The following SYNPR variants were observed in gnomAD, a reference collection of about 807,000 sequenced individuals.
SYNPR encodes the protein synaptoporin.
In SYNPR, 23 loss-of-function variants were observed where a neutral mutation model predicts 32.9. That is an observed-to-expected ratio of 0.70 (90% CI 0.50 to 0.99). The LOEUF (loss-of-function observed/expected upper bound fraction) is 0.99, where lower values mean the gene tolerates loss of function less well. Ranked by LOEUF, SYNPR falls within the 50% of genes least tolerant of loss-of-function variation. SYNPR has a pLI of 0.00. For missense variants in SYNPR, 318 were observed against 349.3 expected, an observed-to-expected ratio of 0.91 and a Z score of 0.71; for synonymous variants, 146 against 135.9, an observed-to-expected ratio of 1.07 and a Z score of -0.52.
chr3:63,281,431 C>A (rs770073511), intron 2 of SYNPR, among the ~76,000 whole-genome samples: 1 of 152,124 alleles, frequency 6.6e-6, no homozygotes, highest in Non-Finnish European at 1.5e-5. Flanking sequence ...TAACAAAACA[C>A]CATAAACTGG....
chr3:63,462,277 C>G (rs78758108), intron 2 of SYNPR, among the ~76,000 whole-genome samples: 3,953 of 152,192 alleles, frequency 0.026, 135 homozygotes, highest in East Asian at 0.13. Context: ...CATTGTACCT[C>G]CTTGTACCTT....
chr3:63,414,948 G>A (rs2088520398), intron 2 of SYNPR, among the ~76,000 whole-genome samples: 1 of 152,058 alleles, frequency 6.6e-6, no homozygotes, highest in Non-Finnish European at 1.5e-5. Flanking sequence ...CTAAACTCAG[G>A]AATGTGCTAC....
chr3:63,423,216 T>A (rs1473666849), intron 2 of SYNPR, among the ~76,000 whole-genome samples: 1 of 152,160 alleles, frequency 6.6e-6, no homozygotes, highest in Non-Finnish European at 1.5e-5. Flanking sequence ...CTCAGTTTCA[T>A]CATCTATTTT....
rs145513967 is a variant in SYNPR at position 63,487,241 on chromosome 3, C to T, written c.209+6285C>T. On this transcript the variant is annotated intron_variant, in intron 3 of 5. Coordinates refer to ENST00000478300, the MANE Select transcript of SYNPR (RefSeq NM_001130003.2). ...CTGAAGCAATGTAGTGTAGCTTGGA[C>T]TCTAGAGACAGACTACATAGATTCA... is the stretch of plus-strand genomic sequence containing the variant. Among the ~76,000 whole-genome samples the T allele has an allele frequency of 1.2e-4, 18 of 152,256 alleles. No individual in the cohort carries two copies. In the East Asian group the frequency reaches 3.5e-3, roughly 29 times the overall value.
chr3:63,248,148 TA>T (rs1553860218), intron 1 of SYNPR, among the ~76,000 whole-genome samples: 8 of 152,234 alleles, frequency 5.3e-5, no homozygotes, highest in Non-Finnish European at 2.9e-5. Context: ...CAGCTTGTAT[TA>T]AAAACTCCCT....
intron 2 of SYNPR, among the ~76,000 whole-genome samples, chr3:63,298,266 C>T (rs1168850430): frequency 6.6e-6 from 1 of 152,138 alleles, no homozygotes; most frequent in African/African-American, 2.4e-5. Flanking sequence ...AGATTTATCT[C>T]ACTGTTGTAA....
intron 2 of SYNPR, among the ~76,000 whole-genome samples, chr3:63,366,566 T>C (rs891840043): frequency 2.0e-5 from 3 of 152,204 alleles, no homozygotes; most frequent in African/African-American, 7.2e-5. Flanking sequence ...TTTGCTCCTG[T>C]TAAGAAAATA....
intron 3 of SYNPR, among the ~76,000 whole-genome samples, chr3:63,531,037 G>A (rs185969844): frequency 9.9e-5 from 15 of 152,086 alleles, no homozygotes; most frequent in Non-Finnish European, 1.8e-4. Flanking sequence ...ATGGAAGTGG[G>A]AAACATGCAG....
At chr3:63,338,920 G>A (rs969790743) in intron 2 of SYNPR, among the ~76,000 whole-genome samples, 21 of 152,176 alleles carry the variant, frequency 1.4e-4, no homozygotes, top group African/African-American at 5.1e-4. Flanking sequence ...CAAAGTAAAG[G>A]ACCATGTCAG....
intron 2 of SYNPR, among the ~76,000 whole-genome samples, chr3:63,473,673 T>C (rs1441031681): frequency 2.0e-5 from 3 of 152,112 alleles, no homozygotes; most frequent in African/African-American, 7.2e-5. Context: ...TAGTCAAAGA[T>C]TTCCTCCTTA....
upstream of SYNPR, among the ~76,000 whole-genome samples, chr3:63,226,287 G>T (rs946018665): frequency 6.6e-6 from 1 of 152,126 alleles, no homozygotes; most frequent in African/African-American, 2.4e-5. Flanking sequence ...TGGAAAAACA[G>T]TATAGTGATT....
chr3:63,451,671 T>C (rs1338634070), intron 2 of SYNPR, among the ~76,000 whole-genome samples: 1 of 152,034 alleles, frequency 6.6e-6, no homozygotes, highest in East Asian at 1.9e-4. Context: ...CTCTCCCCTC[T>C]CCACATGATC....
chr3:63,221,177 G>C, the SYNPR span, among the ~76,000 whole-genome samples: 1 of 152,082 alleles, frequency 6.6e-6, no homozygotes, highest in Non-Finnish European at 1.5e-5. Context: ...AATGACTTTA[G>C]TGTTCTAAGT....
intron 2 of SYNPR, among the ~76,000 whole-genome samples, chr3:63,320,142 G>C (rs376110172): frequency 2.4e-4 from 36 of 151,952 alleles, no homozygotes; most frequent in African/African-American, 8.2e-4. Flanking sequence ...GTAAAGACAG[G>C]GTTTCACTCT....
chr3:63,538,933 A>C (rs1483158226), intron 3 of SYNPR, among the ~76,000 whole-genome samples: 1 of 152,102 alleles, frequency 6.6e-6, no homozygotes, highest in Non-Finnish European at 1.5e-5. Context: ...TTGTTTGTAT[A>C]GTCTATAGTA....
chr3:63,527,857 G>A (rs1391566508), intron 3 of SYNPR, among the ~76,000 whole-genome samples: 1 of 152,110 alleles, frequency 6.6e-6, no homozygotes, highest in African/African-American at 2.4e-5. Context: ...GTGATGTAGT[G>A]TGGCACTTTA....
chr3:63,287,437 G>A (rs1359446078), intron 2 of SYNPR, among the ~76,000 whole-genome samples: 1 of 151,866 alleles, frequency 6.6e-6, no homozygotes, highest in Non-Finnish European at 1.5e-5. Flanking sequence ...CCTTCTGACG[G>A]CTCCCAGACC....
intron 2 of SYNPR, among the ~76,000 whole-genome samples, chr3:63,390,934 G>C (rs777692224): frequency 6.6e-6 from 1 of 152,190 alleles, no homozygotes; most frequent in African/African-American, 2.4e-5. Context: ...CCATGCAGCT[G>C]GAAATCACTC....
the SYNPR span, among the ~76,000 whole-genome samples, chr3:63,204,382 C>T: frequency 1.3e-5 from 2 of 152,240 alleles, no homozygotes; most frequent in Non-Finnish European, 2.9e-5. Context: ...GCCATATTTC[C>T]TCTGTGTGTC....
Sources: allele counts gnomAD v4.1 joint callset (sites outside exome capture counted in the v4.1 genomes callset), GRCh38; gene constraint gnomAD v4.1.1; transcripts MANE v1.5; gene names NCBI Gene and HGNC (gene_info 2026-07-23, HGNC 2026-07-21).